The following SNX30 variants were observed in gnomAD, a reference collection of about 807,000 sequenced individuals.
SNX30 encodes the protein sorting nexin family member 30.
SNX30 carries 24 observed loss-of-function variants against 46.4 expected under a neutral mutation model. The ratio of observed to expected loss-of-function variants is 0.52; its 90% CI spans 0.37 to 0.73. The LOEUF (loss-of-function observed/expected upper bound fraction) is 0.73, where lower values mean the gene tolerates loss of function less well. Ranked by LOEUF, SNX30 falls within the 30% of genes least tolerant of loss-of-function variation. SNX30 has a pLI of 0.00. For synonymous variants in SNX30, 189 were observed against 211.5 expected, an observed-to-expected ratio of 0.89 and a Z score of 0.92; for missense variants, 533 against 555.7, an observed-to-expected ratio of 0.96 and a Z score of 0.41.
At chr9:112,832,612 G>T (rs111359201) in intron 4 of SNX30, among the ~76,000 whole-genome samples, 13 of 134,284 alleles carry the variant, frequency 9.7e-5, no homozygotes, top group African/African-American at 3.6e-4. Flanking sequence ...AACATCACAC[G>T]CCGGGGACTG....
At chr9:112,769,687 A>G (rs2131362467) in intron 1 of SNX30, among the ~76,000 whole-genome samples, 1 of 152,216 alleles carries the variant, frequency 6.6e-6, no homozygotes. Context: ...CCATTCTGAT[A>G]TGGCCTCTCT....
rs529315056 is a variant in SNX30 at position 112,809,398 on chromosome 9, A to G, written c.348+4431A>G. 4.6e-5 allele frequency among the ~76,000 whole-genome samples: 7 copies of G among 152,252 alleles called. No individual in the cohort carries two copies. In the East Asian group the frequency reaches 9.7e-4, roughly 21 times the overall value. ...CCTGGCCCAAAAGACATGATTTTCAAGAGAGGGATGGCCCCGATACCCAGC... is the reference window on the plus strand; with the variant it reads ...CCTGGCCCAAAAGACATGATTTTCAGGAGAGGGATGGCCCCGATACCCAGC... On this transcript the variant is annotated intron_variant, in intron 2 of 8. Coordinates refer to ENST00000374232, the MANE Select transcript of SNX30 (RefSeq NM_001012994.2).
intron 2 of SNX30, among the ~76,000 whole-genome samples, chr9:112,817,227 G>A (rs1378523341): frequency 2.0e-5 from 3 of 151,876 alleles, no homozygotes; most frequent in Non-Finnish European, 4.4e-5. Flanking sequence ...AGCAGAAGGT[G>A]GAGACAATTT....
chr9:112,818,935 T>G (rs1165151610), intron 3 of SNX30, among the ~76,000 whole-genome samples: 1 of 152,224 alleles, frequency 6.6e-6, no homozygotes, highest in African/African-American at 2.4e-5. Flanking sequence ...GCCTGAAGTT[T>G]TGCTTTTTCT....
intron 3 of SNX30, among the ~76,000 whole-genome samples, chr9:112,822,904 G>A (rs1840527467): frequency 6.6e-6 from 1 of 152,164 alleles, no homozygotes; most frequent in Non-Finnish European, 1.5e-5. Flanking sequence ...GAGATCACAA[G>A]AAGAAGAATG....
intron 1 of SNX30, among the ~76,000 whole-genome samples, chr9:112,755,197 C>T (rs577681747): frequency 7.0e-4 from 106 of 152,234 alleles, no homozygotes; most frequent in Non-Finnish European, 1.3e-3. Flanking sequence ...GAACTGGCCG[C>T]GAGGAAGAGG....
At chr9:112,856,758 C>T (rs1462715760) in intron 7 of SNX30, 3 of 151,948 alleles carry the variant, frequency 2.0e-5, no homozygotes, top group East Asian at 1.9e-4. Context: ...TAATGCAGAC[C>T]GGAGAGTGGG....
At chr9:112,810,412 GAAC>G (rs1383299544) in intron 2 of SNX30, among the ~76,000 whole-genome samples, 2 of 152,128 alleles carry the variant, frequency 1.3e-5, no homozygotes. Context: ...AGTGGGGAGG[GAAC>G]AACATTTAGA....
chr9:112,756,376 G>A (rs140356370), intron 1 of SNX30, among the ~76,000 whole-genome samples: 1 of 150,218 alleles, frequency 6.7e-6, no homozygotes, highest in African/African-American at 2.5e-5. Flanking sequence ...CATTCACATG[G>A]CTGATCTGTC....
chr9:112,768,674 T>TGAGACGGTC (rs1839591547), intron 1 of SNX30, among the ~76,000 whole-genome samples: 1 of 136,360 alleles, frequency 7.3e-6, no homozygotes, highest in Non-Finnish European at 1.5e-5. Flanking sequence ...TTTTTTTTTT[T>TGAGACGGTC]TGAGACGGTC....
intron 1 of SNX30, among the ~76,000 whole-genome samples, chr9:112,767,237 A>G (rs1187665007): frequency 1.3e-5 from 2 of 151,800 alleles, no homozygotes; most frequent in Non-Finnish European, 2.9e-5. Flanking sequence ...TTGGCCATTT[A>G]TATGTCATCT....
chr9:112,764,182 A>G (rs915457530), intron 1 of SNX30, among the ~76,000 whole-genome samples: 13 of 152,310 alleles, frequency 8.5e-5, no homozygotes, highest in Non-Finnish European at 1.9e-4. Flanking sequence ...TTACAAATGG[A>G]CAGAAGGAAG....
At chr9:112,777,714 T>G (rs1229178418) in intron 1 of SNX30, among the ~76,000 whole-genome samples, 2 of 145,784 alleles carry the variant, frequency 1.4e-5, no homozygotes, top group Non-Finnish European at 3.0e-5. Flanking sequence ...TCCCAAAGCT[T>G]TGGGATTACA....
In SNX30 at chr9:112,874,197, G is replaced by A. The variant is rs554362081; in HGVS notation, c.*5354G>A. 1 of 152,410 alleles carries A rather than the reference G, an allele frequency of 6.6e-6. No homozygotes were observed. The highest frequency in any genetic ancestry group is 2.1e-4 in the South Asian group (1 of 4,826). The allele number at this position is 152,410 out of a possible 1,614,324, so 9.4% of individuals were successfully genotyped here. ...CCAAAATGTGAGTCAGTGTGATGAA[G>A]CAGTGGCTCTGTCATCTCGGCCTTT... On this transcript the variant is annotated 3_prime_UTR_variant, in exon 9 of 9. Transcript: ENST00000374232.
chr9:112,776,479 G>C (rs918738165), intron 1 of SNX30, among the ~76,000 whole-genome samples: 1 of 152,196 alleles, frequency 6.6e-6, no homozygotes, highest in Non-Finnish European at 1.5e-5. Flanking sequence ...GAGCTGATTA[G>C]ACTTGAGCAT....
chr9:112,774,573 A>G (rs1010555455), intron 1 of SNX30, among the ~76,000 whole-genome samples: 3 of 152,168 alleles, frequency 2.0e-5, no homozygotes, highest in Non-Finnish European at 2.9e-5. Flanking sequence ...TCAAGTTACA[A>G]TGTAATGTGT....
intron 1 of SNX30, among the ~76,000 whole-genome samples, chr9:112,758,928 G>T (rs1358782044): frequency 4.6e-5 from 7 of 152,034 alleles, no homozygotes; most frequent in Non-Finnish European, 8.8e-5. Flanking sequence ...AATATAGTGA[G>T]AACTTGTCTC....
At chr9:112,768,863 G>A (rs1045611648) in intron 1 of SNX30, among the ~76,000 whole-genome samples, 1 of 151,810 alleles carries the variant, frequency 6.6e-6, no homozygotes, top group Non-Finnish European at 1.5e-5. Context: ...CACCATGTTG[G>A]CCAGGCTGGT....
At chr9:112,839,573 C>A (rs150077446) in intron 6 of SNX30, among the ~76,000 whole-genome samples, 30 of 152,280 alleles carry the variant, frequency 2.0e-4, no homozygotes, top group African/African-American at 6.7e-4. Flanking sequence ...CTTCCCCGGC[C>A]TGCACATAGA....
Sources: allele counts gnomAD v4.1 joint callset (sites outside exome capture counted in the v4.1 genomes callset), GRCh38; gene constraint gnomAD v4.1.1; transcripts MANE v1.5; gene names NCBI Gene and HGNC (gene_info 2026-07-23, HGNC 2026-07-21).